GLG1: variants seen among roughly 807,000 people sequenced by gnomAD.
The protein encoded by GLG1 is golgi glycoprotein 1.
GLG1 carries 38 observed loss-of-function variants against 160.5 expected under a neutral mutation model. The observed-to-expected ratio is 0.24, with a 90% CI of 0.18 to 0.31. GLG1 has a LOEUF of 0.31. Among genes scored for constraint, GLG1 ranks in the 10% least tolerant of loss-of-function variants. GLG1 has a pLI of 1.00. For missense variants in GLG1, 1,373 were observed against 1,505.2 expected (o/e 0.91, Z 1.45); for synonymous variants, 644 against 543.4 (o/e 1.19, Z -2.57).
chr16:74,594,245 A>C (rs1002444986), intron 1 of GLG1, among the ~76,000 whole-genome samples: 1 of 152,192 alleles, frequency 6.6e-6, no homozygotes, highest in Non-Finnish European at 1.5e-5. Context: ...AAATTATTTT[A>C]AGAATTTGTT....
At position 74,506,581 on chromosome 16, in the gene GLG1, C is replaced by CAAAAAAAAAAAAAA. The variant is rs56175030; in HGVS notation, c.558+2244_558+2257dup. Among the ~76,000 whole-genome samples, 66 of 39,042 alleles carry CAAAAAAAAAAAAAA rather than the reference C, an allele frequency of 1.7e-3. 9 individuals carry two copies. The highest frequency in any genetic ancestry group is 3.0e-3 in the East Asian group (3 of 1,002). The allele number at this position is 39,042 out of a possible 152,430, so 25.6% of individuals were successfully genotyped here. On this transcript the variant is annotated intron_variant, in intron 3 of 25. Coordinates refer to ENST00000422840, the MANE Select transcript of GLG1 (RefSeq NM_001145667.2). ...TGGGTTACAGAGCAAGACTCCGTCT[C>CAAAAAAAAAAAAAA]AAAAAAAAAAAAAAAAAAAAAAACT...
intron 1 of GLG1, among the ~76,000 whole-genome samples, chr16:74,599,134 A>G (rs749454624): frequency 6.6e-6 from 1 of 152,182 alleles, no homozygotes; most frequent in Non-Finnish European, 1.5e-5. Context: ...ATAAACGACA[A>G]TGCTACTTTA....
chr16:74,602,236 G>C (rs932284631), intron 1 of GLG1, among the ~76,000 whole-genome samples: 2 of 152,112 alleles, frequency 1.3e-5, no homozygotes, highest in African/African-American at 2.4e-5. Flanking sequence ...GCAAAGCTTA[G>C]AGCATGGCTA....
intron 2 of GLG1, among the ~76,000 whole-genome samples, chr16:74,522,068 G>C (rs527500408): frequency 2.6e-5 from 4 of 152,310 alleles, no homozygotes; most frequent in African/African-American, 4.8e-5. Flanking sequence ...TTACCAATCA[G>C]GGTCATTTTA....
At chr16:74,597,804 A>G (rs1958340783) in intron 1 of GLG1, among the ~76,000 whole-genome samples, 1 of 150,440 alleles carries the variant, frequency 6.6e-6, no homozygotes, top group South Asian at 2.1e-4. Flanking sequence ...CAGTGAGCTG[A>G]GATCGCACCA....
At chr16:74,523,992 C>A (rs2017255061) in intron 2 of GLG1, among the ~76,000 whole-genome samples, 1 of 152,118 alleles carries the variant, frequency 6.6e-6, no homozygotes, top group Admixed American at 6.6e-5. Context: ...GTGGGCACAT[C>A]ACCTGAGGTC....
chr16:74,573,529 T>C (rs1017422300), intron 1 of GLG1, among the ~76,000 whole-genome samples: 1 of 149,696 alleles, frequency 6.7e-6, no homozygotes, highest in East Asian at 1.9e-4. Flanking sequence ...TATACTTATA[T>C]ATCTAAAGCT....
rs2014238524 is a variant in GLG1, at chr16:74,450,367, T to TTAATGAGTGCGGCCAGTTCAG, written c.*2779_*2799dup. On this transcript the variant is annotated 3_prime_UTR_variant, in exon 26 of 26. Coordinates refer to ENST00000422840, the MANE Select transcript of GLG1 (RefSeq NM_001145667.2). Reference sequence around the variant, plus strand: ...TGTTTTGTTTTGCCAAATGAGGGACTTAATGAGTGCGGCCAGTTCAGACTT... The same window carrying TTAATGAGTGCGGCCAGTTCAG: ...TGTTTTGTTTTGCCAAATGAGGGACTTAATGAGTGCGGCCAGTTCAGTAATGAGTGCGGCCAGTTCAGACTT... 1 of 152,230 alleles carries TTAATGAGTGCGGCCAGTTCAG rather than the reference T, an allele frequency of 6.6e-6. No individual in the cohort carries two copies. The highest frequency in any genetic ancestry group is 1.5e-5 in the Non-Finnish European group (1 of 68,060). The allele number at this position is 152,230 out of a possible 1,614,324, so 9.4% of individuals were successfully genotyped here.
At chr16:74,511,479 C>T (rs149917295) in intron 2 of GLG1, among the ~76,000 whole-genome samples, 2 of 151,440 alleles carry the variant, frequency 1.3e-5, no homozygotes, top group East Asian at 3.9e-4. Context: ...TGGGGAAACC[C>T]GGTCTCTACT....
chr16:74,458,008 G>C lies in GLG1; in HGVS notation c.3145-14C>G. On this transcript the variant is annotated splice_polypyrimidine_tract_variant and intron_variant, in intron 23 of 25. Transcript: ENST00000422840. Reference sequence around the variant, plus strand: ...GTTTAGCACTTCCTGGAAAGGGAGGGTCATTGCAGACAGAGCTTTTGAAGG... The same window carrying C: ...GTTTAGCACTTCCTGGAAAGGGAGGCTCATTGCAGACAGAGCTTTTGAAGG... The C allele has an allele frequency of 6.2e-7, 1 of 1,612,980 alleles. No homozygotes were observed. The highest frequency in any genetic ancestry group is 8.5e-7 in the Non-Finnish European group (1 of 1,179,024).
intron 1 of GLG1, among the ~76,000 whole-genome samples, chr16:74,590,813 A>G (rs573442017): frequency 5.9e-4 from 85 of 142,980 alleles, no homozygotes; most frequent in African/African-American, 2.0e-3. Context: ...AAAAAAAAAG[A>G]AAAAAAAAAA....
intron 25 of GLG1, among the ~76,000 whole-genome samples, chr16:74,455,092 A>C (rs1343748367): frequency 6.6e-6 from 1 of 152,170 alleles, no homozygotes; most frequent in Non-Finnish European, 1.5e-5. Context: ...GAATATATTT[A>C]ACCGCCCTCC....
At chr16:74,484,434 G>C (rs2015719164) in intron 9 of GLG1, among the ~76,000 whole-genome samples, 1 of 151,964 alleles carries the variant, frequency 6.6e-6, no homozygotes, top group Non-Finnish European at 1.5e-5. Flanking sequence ...CCGAGTAACT[G>C]GGATTACAGG....
At chr16:74,603,110 A>ACAGCAGCAG (rs372869560) in intron 1 of GLG1, among the ~76,000 whole-genome samples, 1 of 151,282 alleles carries the variant, frequency 6.6e-6, no homozygotes, top group Non-Finnish European at 1.5e-5. Flanking sequence ...AACAACAACA[A>ACAGCAGCAG]CAGCAGCAGC....
intron 2 of GLG1, among the ~76,000 whole-genome samples, chr16:74,524,805 C>T (rs768004705): frequency 3.3e-5 from 5 of 152,126 alleles, no homozygotes; most frequent in Non-Finnish European, 7.4e-5. Flanking sequence ...GTACAATCAT[C>T]ACCACTAATT....
At chr16:74,494,694 C>T (rs993191490) in intron 6 of GLG1, 66 bp downstream of exon 6, 22 of 755,108 alleles carry the variant, frequency 2.9e-5, no homozygotes, top group Non-Finnish European at 4.2e-5. Context: ...CGTGAGCCAC[C>T]GTGTCTGGCT....
At chr16:74,602,292 AAG>A (rs1356073661) in intron 1 of GLG1, among the ~76,000 whole-genome samples, 1 of 152,242 alleles carries the variant, frequency 6.6e-6, no homozygotes, top group Admixed American at 6.5e-5. Context: ...GGTGGCAAGA[AAG>A]AATTTTTTTA....
intron 2 of GLG1, among the ~76,000 whole-genome samples, chr16:74,524,680 A>C (rs2017282098): frequency 6.6e-6 from 1 of 152,188 alleles, no homozygotes; most frequent in South Asian, 2.1e-4. Context: ...TACCAATCTG[A>C]ATTAATATTT....
intron 1 of GLG1, among the ~76,000 whole-genome samples, chr16:74,593,944 T>C (rs1002474632): frequency 1.3e-5 from 2 of 152,108 alleles, no homozygotes; most frequent in African/African-American, 4.8e-5. Context: ...AGTCTCACTG[T>C]TGCCCAGGCT....
Sources: gnomAD v4.1 joint callset for allele counts (sites outside exome capture counted in the v4.1 genomes callset) on GRCh38, gnomAD v4.1.1 for gene constraint, MANE v1.5 for transcripts, NCBI Gene and HGNC (gene_info 2026-07-23, HGNC 2026-07-21) for gene names.